The following PCBD2 variants were observed in gnomAD, a reference collection of about 807,000 sequenced individuals.
PCBD2 encodes the protein pterin-4 alpha-carbinolamine dehydratase 2, also known as pterin-4-alpha-carbinolamine dehydratase 2.
Under a neutral mutation model 16.4 loss-of-function variants are expected in PCBD2, and 12 were observed. The ratio of observed to expected loss-of-function variants is 0.73; its 90% CI spans 0.47 to 1.19. The LOEUF (loss-of-function observed/expected upper bound fraction) is 1.19, where lower values mean the gene tolerates loss of function less well. Among genes scored for constraint, PCBD2 ranks in the 50% most tolerant of loss-of-function variants. PCBD2 has a pLI of 0.00. For missense variants in PCBD2, 138 were observed against 156.8 expected (o/e 0.88, Z 0.64); for synonymous variants, 58 against 61.8 (o/e 0.94, Z 0.29).
chr5:134,938,532 G>T (rs529726163), intron 2 of PCBD2, among the ~76,000 whole-genome samples: 2 of 152,240 alleles, frequency 1.3e-5, no homozygotes, highest in Non-Finnish European at 2.9e-5. Flanking sequence ...CTGTGTGCTT[G>T]GGAGCTTTAT....
intron 2 of PCBD2, among the ~76,000 whole-genome samples, chr5:134,958,489 A>C (rs1580896145): frequency 6.6e-6 from 1 of 152,174 alleles, no homozygotes; most frequent in East Asian, 1.9e-4. Flanking sequence ...CTTCTGTTTC[A>C]CTCTAGGTGC....
chr5:134,931,257 A>AAAG (rs1751092002), intron 2 of PCBD2, among the ~76,000 whole-genome samples: 1 of 152,180 alleles, frequency 6.6e-6, no homozygotes, highest in African/African-American at 2.4e-5. Flanking sequence ...GAAAAGCTAA[A>AAAG]ATATATTGGC....
intron 2 of PCBD2, among the ~76,000 whole-genome samples, chr5:134,915,251 G>T (rs1750817416): frequency 6.6e-6 from 1 of 151,088 alleles, no homozygotes; most frequent in Non-Finnish European, 1.5e-5. Flanking sequence ...GGAGGCGGAG[G>T]TTGCAGTGAG....
chr5:134,921,083 C>T (rs1750898155), intron 2 of PCBD2, among the ~76,000 whole-genome samples: 1 of 152,232 alleles, frequency 6.6e-6, no homozygotes, highest in Non-Finnish European at 1.5e-5. Flanking sequence ...GGCCAGGAGT[C>T]ACATGGTGTG....
chr5:134,916,054 C>T (rs754665136), intron 2 of PCBD2, among the ~76,000 whole-genome samples: 12 of 152,076 alleles, frequency 7.9e-5, no homozygotes, highest in Non-Finnish European at 1.0e-4. Flanking sequence ...TCTGGGAGGC[C>T]GAGTTGAGTG....
At chr5:134,941,518 C>T (rs1439875363) in intron 2 of PCBD2, among the ~76,000 whole-genome samples, 1 of 152,100 alleles carries the variant, frequency 6.6e-6, no homozygotes, top group East Asian at 1.9e-4. Context: ...TTCAGAAGGC[C>T]TGGCTTTTAA....
chr5:134,914,562 G>A (rs988960555), intron 2 of PCBD2, among the ~76,000 whole-genome samples: 5 of 152,102 alleles, frequency 3.3e-5, no homozygotes, highest in Non-Finnish European at 5.9e-5. Context: ...GAGGGACAAG[G>A]GAAAAAAGGG....
intron 2 of PCBD2, among the ~76,000 whole-genome samples, chr5:134,949,461 A>T (rs1751335613): frequency 6.6e-6 from 1 of 152,164 alleles, no homozygotes; most frequent in South Asian, 2.1e-4. Flanking sequence ...GTATGGGGAA[A>T]CTGAAACTCG....
intron 2 of PCBD2, among the ~76,000 whole-genome samples, chr5:134,918,217 A>AT (rs1449456550): frequency 6.6e-6 from 1 of 152,162 alleles, no homozygotes; most frequent in Admixed American, 6.5e-5. Context: ...AGAAAATGTC[A>AT]TTTTGTGCTG....
intron 2 of PCBD2, among the ~76,000 whole-genome samples, chr5:134,948,778 G>T (rs1751327607): frequency 6.6e-6 from 1 of 150,540 alleles, no homozygotes; most frequent in Non-Finnish European, 1.5e-5. Flanking sequence ...GCTTTTGAAA[G>T]CAGTGTTTAG....
chr5:134,944,668 G>A (rs935741916), intron 2 of PCBD2, among the ~76,000 whole-genome samples: 1 of 152,160 alleles, frequency 6.6e-6, no homozygotes, highest in East Asian at 1.9e-4. Context: ...TTCTTGGACT[G>A]TTTTCTATCT....
At chr5:134,926,497 T>A (rs1023388845) in intron 2 of PCBD2, 21 of 394,862 alleles carry the variant, frequency 5.3e-5, no homozygotes, top group Non-Finnish European at 8.9e-5. Flanking sequence ...TTTTGGGGCC[T>A]AAGACCAACG....
At chr5:134,905,271 G>A (rs1181285097) in intron 1 of PCBD2, 48 bp downstream of exon 1, 1 of 1,215,242 alleles carries the variant, frequency 8.2e-7, no homozygotes, top group African/African-American at 1.6e-5. Context: ...TCGGGGGGCG[G>A]TGCGAGGCCC....
intron 2 of PCBD2, among the ~76,000 whole-genome samples, chr5:134,934,963 A>G (rs914636439): frequency 4.6e-5 from 7 of 152,232 alleles, no homozygotes; most frequent in African/African-American, 9.6e-5. Context: ...CTTCATAACT[A>G]TATTTTAAAA....
chr5:134,929,713 A>G (rs1278974341), intron 2 of PCBD2, among the ~76,000 whole-genome samples: 1 of 152,026 alleles, frequency 6.6e-6, no homozygotes, highest in Non-Finnish European at 1.5e-5. Flanking sequence ...GTTTTTAGAG[A>G]TGGGGTCTTC....
chr5:134,930,942 G>C (rs934509239), intron 2 of PCBD2, among the ~76,000 whole-genome samples: 1 of 152,090 alleles, frequency 6.6e-6, no homozygotes, highest in African/African-American at 2.4e-5. Context: ...TTTTGAGACA[G>C]AGTCTTGCTC....
intron 2 of PCBD2, among the ~76,000 whole-genome samples, chr5:134,920,769 C>T (rs969185298): frequency 2.0e-5 from 3 of 152,136 alleles, no homozygotes; most frequent in East Asian, 3.9e-4. Context: ...GATTCTCCCA[C>T]CTCAGCCTCT....
intron 2 of PCBD2, among the ~76,000 whole-genome samples, chr5:134,931,478 T>C (rs1751094770): frequency 1.3e-5 from 2 of 152,210 alleles, no homozygotes; most frequent in Non-Finnish European, 2.9e-5. Context: ...TTAGGTGACC[T>C]ATGAACTAAC....
At chr5:134,923,587 A>G in intron 2 of PCBD2, 1 of 339,226 alleles carries the variant, frequency 2.9e-6, no homozygotes, top group Non-Finnish European at 5.3e-6. Context: ...GTTCCGATGT[A>G]TGGGACGGCG....
Sources: allele counts gnomAD v4.1 joint callset (sites outside exome capture counted in the v4.1 genomes callset), GRCh38; gene constraint gnomAD v4.1.1; transcripts MANE v1.5; gene names NCBI Gene and HGNC (gene_info 2026-07-23, HGNC 2026-07-21).